FAM178B: variants seen among roughly 807,000 people sequenced by gnomAD.
FAM178B encodes family with sequence similarity 178 member B, also known as protein FAM178B.
In FAM178B, 82 loss-of-function variants were observed where a neutral mutation model predicts 91.7. The observed-to-expected ratio is 0.89, with a 90% CI of 0.75 to 1.07. The LOEUF (loss-of-function observed/expected upper bound fraction) is 1.07. Ranked by LOEUF, FAM178B falls within the 50% of genes least tolerant of loss-of-function variation. The pLI, the probability that FAM178B is intolerant of heterozygous loss-of-function variation, is 0.00. For missense variants in FAM178B, 769 were observed against 846.7 expected (o/e 0.91, Z 1.14); for synonymous variants, 368 against 359.4 (o/e 1.02, Z -0.27).
chr2:96,972,442 A>C, intron 2 of FAM178B, 96 bp downstream of exon 2: 1 of 1,495,610 alleles, frequency 6.7e-7, no homozygotes, highest in South Asian at 1.2e-5. Flanking sequence ...TTGCTGTGGG[A>C]AGGATGCAAG....
At chr2:96,877,005 G>C (rs963451581) in intron 16 of FAM178B, among the ~76,000 whole-genome samples, 1 of 152,180 alleles carries the variant, frequency 6.6e-6, no homozygotes, top group African/African-American at 2.4e-5. Flanking sequence ...GCAAGCCACC[G>C]AGCCTCTCAG....
intron 9 of FAM178B, among the ~76,000 whole-genome samples, chr2:96,926,503 C>T (rs1022125138): frequency 6.6e-6 from 1 of 152,174 alleles, no homozygotes; most frequent in Non-Finnish European, 1.5e-5. Context: ...ATGGGGGCAC[C>T]TGGCAAGTCC....
At chr2:96,968,300 C>T (rs1300656793) in intron 4 of FAM178B, among the ~76,000 whole-genome samples, 1 of 152,046 alleles carries the variant, frequency 6.6e-6, no homozygotes, top group Non-Finnish European at 1.5e-5. Flanking sequence ...CGCCACCAGC[C>T]CCTGCGCGCC....
chr2:96,892,435 G>T (rs570658673), intron 14 of FAM178B, among the ~76,000 whole-genome samples: 5 of 152,162 alleles, frequency 3.3e-5, no homozygotes, highest in African/African-American at 1.2e-4. Context: ...CGAGCTGCAC[G>T]GTGCCTCCAT....
chr2:96,925,043 C>A (rs1408268553), intron 9 of FAM178B, among the ~76,000 whole-genome samples: 1 of 152,086 alleles, frequency 6.6e-6, no homozygotes, highest in Non-Finnish European at 1.5e-5. Context: ...TTTATTAGGG[C>A]CCTAACTGAA....
chr2:96,950,956 G>A (rs762441424), intron 7 of FAM178B, among the ~76,000 whole-genome samples: 3 of 152,258 alleles, frequency 2.0e-5, no homozygotes, highest in Non-Finnish European at 4.4e-5. Flanking sequence ...ATGGGATGAG[G>A]GACCTGTGAT....
At chr2:96,916,829 C>G (rs1468201738) in intron 12 of FAM178B, among the ~76,000 whole-genome samples, 2 of 152,228 alleles carry the variant, frequency 1.3e-5, no homozygotes, top group Non-Finnish European at 2.9e-5. Flanking sequence ...CTTAACCAGT[C>G]AGTCGAGCAG....
At chr2:96,950,638 T>A (rs182318502) in intron 7 of FAM178B, among the ~76,000 whole-genome samples, 1 of 152,330 alleles carries the variant, frequency 6.6e-6, no homozygotes, top group East Asian at 1.9e-4. Context: ...GACGGCATCC[T>A]TATGCCTGGC....
At chr2:96,889,988 A>AT (rs2153368191) in intron 14 of FAM178B, among the ~76,000 whole-genome samples, 1 of 150,420 alleles carries the variant, frequency 6.6e-6, no homozygotes, top group African/African-American at 2.4e-5. Context: ...AAAAAAAAAA[A>AT]AAATTGGCTG....
chr2:96,912,508 C>A (rs1022970527), intron 12 of FAM178B, among the ~76,000 whole-genome samples: 14 of 151,968 alleles, frequency 9.2e-5, no homozygotes, highest in African/African-American at 3.1e-4. Context: ...CTGGGAAGCC[C>A]AGGGAAGGAA....
At chr2:96,980,464 C>T (rs992969488) in intron 1 of FAM178B, among the ~76,000 whole-genome samples, 2 of 152,214 alleles carry the variant, frequency 1.3e-5, no homozygotes, top group African/African-American at 4.8e-5. Context: ...GTGGTGTGAT[C>T]ATAGCTCACT....
chr2:96,916,927 T>C (rs1458580243), intron 12 of FAM178B, among the ~76,000 whole-genome samples: 1 of 152,094 alleles, frequency 6.6e-6, no homozygotes, highest in Non-Finnish European at 1.5e-5. Flanking sequence ...CAGCCACCAG[T>C]GAAGGCAGCC....
At chr2:96,933,736 C>T (rs2081580330) in intron 8 of FAM178B, among the ~76,000 whole-genome samples, 1 of 152,146 alleles carries the variant, frequency 6.6e-6, no homozygotes, top group Non-Finnish European at 1.5e-5. Context: ...CCAAGCAGCA[C>T]CATCTGCCTG....
At chr2:96,883,931 A>G (rs4907254) in intron 14 of FAM178B, among the ~76,000 whole-genome samples, 64,234 of 151,940 alleles carry the variant, frequency 0.42, 15,660 homozygotes, top group South Asian at 0.78. Context: ...CTGCCTTGGT[A>G]TCATCATTGC....
At chr2:96,922,138 G>A (rs945814770) in intron 10 of FAM178B, among the ~76,000 whole-genome samples, 2 of 152,078 alleles carry the variant, frequency 1.3e-5, no homozygotes, top group African/African-American at 4.8e-5. Context: ...ACTCCCACCA[G>A]TACCATAACA....
At chr2:96,891,303 C>T (rs2080672905) in intron 14 of FAM178B, among the ~76,000 whole-genome samples, 1 of 152,146 alleles carries the variant, frequency 6.6e-6, no homozygotes, top group Non-Finnish European at 1.5e-5. Context: ...CTTCTTTAGT[C>T]CAGAGCCTCC....
intron 15 of FAM178B, 94 bp from the exon 16 acceptor site, chr2:96,878,136 G>A (rs1441139731): frequency 2.2e-6 from 3 of 1,362,930 alleles, no homozygotes; most frequent in Non-Finnish European, 2.0e-6. Context: ...AGAAAGGAAG[G>A]GGCACATTTG....
At chr2:96,895,725 C>T (rs2080809061) in intron 13 of FAM178B, among the ~76,000 whole-genome samples, 1 of 152,220 alleles carries the variant, frequency 6.6e-6, no homozygotes, top group African/African-American at 2.4e-5. Flanking sequence ...CTTTAGATGG[C>T]ACAGAAGCAG....
intron 6 of FAM178B, among the ~76,000 whole-genome samples, chr2:96,956,129 C>T (rs1242999894): frequency 6.6e-6 from 1 of 152,246 alleles, no homozygotes; most frequent in African/African-American, 2.4e-5. Flanking sequence ...AGACAAACTC[C>T]ACCCTTCCAA....
Sources: allele counts gnomAD v4.1 joint callset (sites outside exome capture counted in the v4.1 genomes callset), GRCh38; gene constraint gnomAD v4.1.1; transcripts MANE v1.5; gene names NCBI Gene and HGNC (gene_info 2026-07-23, HGNC 2026-07-21).